The following GABRG3 variants were observed in gnomAD, a reference collection of about 807,000 sequenced individuals.
The protein encoded by GABRG3 is gamma-aminobutyric acid type A receptor subunit gamma3.
Under a neutral mutation model 48.8 loss-of-function variants are expected in GABRG3, and 25 were observed. That is an observed-to-expected ratio of 0.51 (90% CI 0.37 to 0.72). The LOEUF (loss-of-function observed/expected upper bound fraction) is 0.72. GABRG3 is among the 30% of genes least tolerant of loss of function. GABRG3 has a pLI of 0.00. For missense variants in GABRG3, 394 were observed against 577.9 expected (o/e 0.68, Z 3.26); for synonymous variants, 227 against 217.6 (o/e 1.04, Z -0.38).
At chr15:27,279,281 G>A (rs963510787) in intron 3 of GABRG3, among the ~76,000 whole-genome samples, 1 of 152,038 alleles carries the variant, frequency 6.6e-6, no homozygotes, top group African/African-American at 2.4e-5. Context: ...CTGATTTATT[G>A]ATTTTTTTCC....
rs1003744767 is a variant in GABRG3, at chr15:27,337,731, T to A, written c.574+8843T>A. ...TTTATACATGCTCTGCACTCTCTAG[T>A]CTCTCAGTTCCAGATTTGAAATCCA... On this transcript the variant is annotated intron_variant, in intron 5 of 9. Coordinates refer to ENST00000615808, the MANE Select transcript of GABRG3 (RefSeq NM_033223.5). Among the ~76,000 whole-genome samples the A allele has an allele frequency of 7.2e-5, 11 of 152,188 alleles. No homozygotes were observed. In the South Asian group the frequency reaches 1.9e-3, roughly 26 times the overall value.
intron 3 of GABRG3, among the ~76,000 whole-genome samples, chr15:27,075,772 A>T (rs2140739114): frequency 6.6e-6 from 1 of 152,316 alleles, no homozygotes; most frequent in East Asian, 1.9e-4. Context: ...AGGTATCAGG[A>T]TGGCTCCCTG....
rs535741048 is a variant in GABRG3 at position 27,524,564 on chromosome 15, G to A, written c.866-2869G>A. Among the ~76,000 whole-genome samples, 7 of 152,102 alleles carry A rather than the reference G, an allele frequency of 4.6e-5. No homozygotes were observed. In the South Asian group the frequency reaches 1.5e-3, roughly 32 times the overall value. On this transcript the variant is annotated intron_variant, in intron 7 of 9. Coordinates refer to ENST00000615808, the MANE Select transcript of GABRG3 (RefSeq NM_033223.5). ...GATGTAATTACTAAACTAATTAAAGGAAATATTTAAGACAATTATATTAAA... is the reference window on the plus strand; with the variant it reads ...GATGTAATTACTAAACTAATTAAAGAAAATATTTAAGACAATTATATTAAA...
At chr15:27,088,828 T>C (rs1024501389) in intron 3 of GABRG3, among the ~76,000 whole-genome samples, 9 of 151,832 alleles carry the variant, frequency 5.9e-5, no homozygotes, top group African/African-American at 2.2e-4. Context: ...GCCATGTGAG[T>C]GCCCGAGGAA....
At position 27,469,072 on chromosome 15, in the gene GABRG3, A is replaced by G. The variant is rs77248547; in HGVS notation, c.575-11578A>G. Among the ~76,000 whole-genome samples, 337 of 152,328 alleles carry G rather than the reference A, an allele frequency of 2.2e-3. 2 individuals carry two copies. Among genetic ancestry groups the G allele is most frequent in the African/African-American group, 7.3e-3 (303 of 41,564 alleles). On this transcript the variant is annotated intron_variant, in intron 5 of 9. Coordinates refer to ENST00000615808, the MANE Select transcript of GABRG3 (RefSeq NM_033223.5). ...TTCAGCACTATCCATGGTTTCCAGC[A>G]TCCACTAAGGGTATTAGAACATATC... is the stretch of plus-strand genomic sequence containing the variant.
chr15:27,227,975 A>C (rs976816044), intron 3 of GABRG3, among the ~76,000 whole-genome samples: 1 of 152,360 alleles, frequency 6.6e-6, no homozygotes, highest in Non-Finnish European at 1.5e-5. Flanking sequence ...AATGCTCAAA[A>C]GGGTTAAATG....
intron 3 of GABRG3, among the ~76,000 whole-genome samples, chr15:27,229,856 C>T (rs897990821): frequency 6.6e-6 from 1 of 152,020 alleles, no homozygotes; most frequent in Non-Finnish European, 1.5e-5. Context: ...TGTTCTTTTT[C>T]CTTAGGATTG....
chr15:27,032,796 T>C, intron 3 of GABRG3, among the ~76,000 whole-genome samples: 1 of 152,082 alleles, frequency 6.6e-6, no homozygotes, highest in East Asian at 1.9e-4. Flanking sequence ...CTGGCAATTT[T>C]CATTGTGTAC....
intron 6 of GABRG3, among the ~76,000 whole-genome samples, chr15:27,501,503 A>T (rs1015614152): frequency 6.6e-6 from 1 of 152,092 alleles, no homozygotes; most frequent in African/African-American, 2.4e-5. Context: ...CTTCTCCCAG[A>T]TATAATAAGT....
At chr15:27,037,547 T>A (rs1183086398) in intron 3 of GABRG3, among the ~76,000 whole-genome samples, 1 of 152,140 alleles carries the variant, frequency 6.6e-6, no homozygotes, top group African/African-American at 2.4e-5. Context: ...GAGAGTTGTG[T>A]GTCTCTTCCC....
chr15:27,157,250 A>G (rs965365778), intron 3 of GABRG3, among the ~76,000 whole-genome samples: 2 of 152,238 alleles, frequency 1.3e-5, no homozygotes, highest in African/African-American at 4.8e-5. Flanking sequence ...TTGCAAACTC[A>G]TAAGATTTAT....
chr15:27,501,507 A>G (rs970692107), intron 6 of GABRG3, among the ~76,000 whole-genome samples: 25 of 152,040 alleles, frequency 1.6e-4, no homozygotes, highest in African/African-American at 5.6e-4. Flanking sequence ...TCCCAGATAT[A>G]ATAAGTTCCA....
At chr15:27,321,229 G>A (rs1457171683) in intron 3 of GABRG3, among the ~76,000 whole-genome samples, 2 of 152,208 alleles carry the variant, frequency 1.3e-5, no homozygotes, top group African/African-American at 4.8e-5. Context: ...AGACCCCACG[G>A]TGCACCTGTC....
chr15:27,013,592 A>G (rs544291037), intron 2 of GABRG3, among the ~76,000 whole-genome samples: 1 of 152,126 alleles, frequency 6.6e-6, no homozygotes, highest in South Asian at 2.1e-4. Context: ...GCATATGGAG[A>G]TACAATTGTC....
At chr15:27,323,856 C>T (rs1893514355) in intron 3 of GABRG3, among the ~76,000 whole-genome samples, 1 of 152,184 alleles carries the variant, frequency 6.6e-6, no homozygotes, top group Non-Finnish European at 1.5e-5. Context: ...GCACGTGGTT[C>T]ACGTGAGTCA....
Position 27,252,187 on chromosome 15 carries a change from C to T in GABRG3, c.271-74622C>T, listed in dbSNP as rs377126308. ...GGACATAAGGATGATGCCTGAGAGACGGGGGGTGGCCGTGGGCTGGCCTGG... is the reference window on the plus strand; with the variant it reads ...GGACATAAGGATGATGCCTGAGAGATGGGGGGTGGCCGTGGGCTGGCCTGG... On this transcript the variant is annotated intron_variant, in intron 3 of 9. Coordinates refer to ENST00000615808, the MANE Select transcript of GABRG3 (RefSeq NM_033223.5). 1.9e-3 allele frequency among the ~76,000 whole-genome samples: 287 copies of T among 152,140 alleles called. 1 individual carries two copies. The highest frequency in any genetic ancestry group is 3.3e-3 in the African/African-American group (137 of 41,510).
intron 2 of GABRG3, among the ~76,000 whole-genome samples, chr15:26,980,819 C>G (rs1566899116): frequency 6.6e-6 from 1 of 151,468 alleles, no homozygotes; most frequent in East Asian, 1.9e-4. Context: ...CATTTTCATT[C>G]AGTTAAATGT....
chr15:27,041,261 C>T (rs1896271953), intron 3 of GABRG3, among the ~76,000 whole-genome samples: 1 of 152,166 alleles, frequency 6.6e-6, no homozygotes, highest in South Asian at 2.1e-4. Context: ...TGGCTCATTG[C>T]AACCTCCTCC....
chr15:27,379,240 G>GCAAGAACAT, intron 5 of GABRG3, among the ~76,000 whole-genome samples: 1 of 151,606 alleles, frequency 6.6e-6, no homozygotes, highest in East Asian at 1.9e-4. Flanking sequence ...CCCTTGTTTG[G>GCAAGAACAT]GGTTGTACTT....
Sources: gnomAD v4.1 joint callset for allele counts (sites outside exome capture counted in the v4.1 genomes callset) on GRCh38, gnomAD v4.1.1 for gene constraint, MANE v1.5 for transcripts, NCBI Gene and HGNC (gene_info 2026-07-23, HGNC 2026-07-21) for gene names.